HFM1: variants seen among roughly 807,000 people sequenced by gnomAD.
The protein encoded by HFM1 is helicase for meiosis 1.
HFM1 carries 169 observed loss-of-function variants against 192.1 expected under a neutral mutation model. The observed-to-expected ratio is 0.88, with a 90% CI of 0.78 to 1.00. The LOEUF (loss-of-function observed/expected upper bound fraction) is 1.00, where lower values mean the gene tolerates loss of function less well. Ranked by LOEUF, HFM1 falls within the 50% of genes least tolerant of loss-of-function variation. HFM1 has a pLI of 0.00. For missense variants in HFM1, 1,661 were observed against 1,668.0 expected (o/e 1.00, Z 0.07); for synonymous variants, 525 against 537.8 (o/e 0.98, Z 0.33).
chr1:91,379,930 T>G (rs989472417), intron 8 of HFM1, among the ~76,000 whole-genome samples, 174 bp downstream of exon 8: 1 of 152,282 alleles, frequency 6.6e-6, no homozygotes, highest in South Asian at 2.1e-4. Context: ...TTACTTTTTA[T>G]TTATAATTTT....
At chr1:91,319,635 C>T (rs1450299838) in intron 23 of HFM1, among the ~76,000 whole-genome samples, 3 of 152,038 alleles carry the variant, frequency 2.0e-5, no homozygotes, top group Non-Finnish European at 4.4e-5. Flanking sequence ...CACTCAATCT[C>T]TCTCTAAAAG....
chr1:91,265,846 C>A (rs1665712559), intron 36 of HFM1, among the ~76,000 whole-genome samples, 171 bp downstream of exon 36: 1 of 152,186 alleles, frequency 6.6e-6, no homozygotes, highest in African/African-American at 2.4e-5. Context: ...GATTTTGATG[C>A]AGGTGGTTTC....
intron 11 of HFM1, chr1:91,377,353 T>G (rs1411467138): frequency 6.6e-6 from 1 of 151,968 alleles, no homozygotes; most frequent in Non-Finnish European, 1.5e-5. Flanking sequence ...TGGCTATTTG[T>G]GAAAACAATT....
intron 30 of HFM1, among the ~76,000 whole-genome samples, chr1:91,304,084 A>C (rs1034548712): frequency 3.9e-5 from 6 of 152,008 alleles, no homozygotes; most frequent in Admixed American, 3.9e-4. Flanking sequence ...TGAACTCCTG[A>C]CCTCAAGTGA....
At chr1:91,317,777 T>C (rs1294084202) in intron 25 of HFM1, among the ~76,000 whole-genome samples, 2 of 152,214 alleles carry the variant, frequency 1.3e-5, no homozygotes, top group Non-Finnish European at 1.5e-5. Context: ...CTTTTTCATT[T>C]ATAGCCAACA....
At position 91,319,224 on chromosome 1, in the gene HFM1, T is replaced by C. The variant is rs769575584; in HGVS notation, c.2681-15A>G. The stretch of plus-strand genomic sequence containing the variant: ...ATCTGACAACCCTAAAAAAAAAGTT[T>C]CCAGTATTAAATCTAATATACCAGT... On this transcript the variant is annotated splice_polypyrimidine_tract_variant and intron_variant, in intron 24 of 38. Transcript: ENST00000370425. 1 of 1,604,364 alleles carries C rather than the reference T, an allele frequency of 6.2e-7. No homozygotes were observed. The highest frequency in any genetic ancestry group is 1.7e-5 in the Admixed American group (1 of 57,930).
intron 13 of HFM1, among the ~76,000 whole-genome samples, chr1:91,361,579 A>G (rs1395926905): frequency 1.3e-5 from 2 of 152,166 alleles, no homozygotes; most frequent in African/African-American, 4.8e-5. Context: ...CCAACCAAAA[A>G]AAGCCCAGGA....
chr1:91,296,859 C>T (rs1045446409), intron 30 of HFM1, among the ~76,000 whole-genome samples: 13 of 152,166 alleles, frequency 8.5e-5, no homozygotes, highest in African/African-American at 2.9e-4. Context: ...CAGCTCCCAG[C>T]GTGAGCGATG....
chr1:91,261,004 T>C lies in HFM1; in HGVS notation c.*286A>G, dbSNP rs1353498875. On this transcript the variant is annotated 3_prime_UTR_variant, in exon 39 of 39. Transcript: ENST00000370425. The stretch of plus-strand genomic sequence containing the variant: ...TTGGTTCTTGTCAAAATCCAATTAA[T>C]AGCCAAATAATTATTTCTAAGTGCA... 1 of 209,118 alleles carries C rather than the reference T, an allele frequency of 4.8e-6. No individual in the cohort carries two copies. The highest frequency in any genetic ancestry group is 1.0e-4 in the East Asian group (1 of 9,732). 13.0% of individuals were successfully genotyped at this position (209,118 alleles called of 1,614,324 possible).
At chr1:91,288,785 A>G (rs1002555642) in intron 30 of HFM1, among the ~76,000 whole-genome samples, 2 of 152,188 alleles carry the variant, frequency 1.3e-5, no homozygotes, top group African/African-American at 4.8e-5. Flanking sequence ...CTTTCTACAC[A>G]GACACAGTAA....
intron 13 of HFM1, among the ~76,000 whole-genome samples, chr1:91,374,272 A>G (rs1348820123): frequency 6.6e-6 from 1 of 151,840 alleles, no homozygotes; most frequent in East Asian, 1.9e-4. Context: ...TACATGGGCT[A>G]CTGCAGGCTA....
At chr1:91,332,921 A>G (rs1023034695) in intron 20 of HFM1, among the ~76,000 whole-genome samples, 10 of 152,214 alleles carry the variant, frequency 6.6e-5, no homozygotes, top group African/African-American at 2.4e-4. Flanking sequence ...CCGCAGTTAC[A>G]ATGGCTTTTA....
At chr1:91,296,499 C>T (rs1012257502) in intron 30 of HFM1, among the ~76,000 whole-genome samples, 1 of 151,702 alleles carries the variant, frequency 6.6e-6, no homozygotes. Flanking sequence ...CTACCCTGTC[C>T]TTTTGAATTT....
At chr1:91,377,866 T>A in intron 11 of HFM1, 159 bp downstream of exon 11, 1 of 685,086 alleles carries the variant, frequency 1.5e-6, no homozygotes, top group East Asian at 2.7e-5. Flanking sequence ...TTTTATGGCC[T>A]TAATACTGTT....
chr1:91,293,335 A>T (rs890444315), intron 30 of HFM1, among the ~76,000 whole-genome samples: 131 of 152,326 alleles, frequency 8.6e-4, no homozygotes, highest in African/African-American at 2.6e-3. Context: ...GAATCTACAA[A>T]GAACTCAAAC....
chr1:91,361,993 CT>C (rs1245223817), intron 13 of HFM1, among the ~76,000 whole-genome samples: 2 of 152,114 alleles, frequency 1.3e-5, no homozygotes, highest in Non-Finnish European at 2.9e-5. Flanking sequence ...CAATTCAACA[CT>C]CCTTCATGTT....
In HFM1 at chr1:91,288,330, C is replaced by T. The variant is rs186712537; in HGVS notation, c.3392-11268G>A. ...AGCAGATCTCCCGGCAGAAACTCTACAAGCCAGAAGAGAGTGGGGGCCAAT... is the reference window on the plus strand; with the variant it reads ...AGCAGATCTCCCGGCAGAAACTCTATAAGCCAGAAGAGAGTGGGGGCCAAT... On this transcript the variant is annotated intron_variant, in intron 30 of 38. Coordinates refer to ENST00000370425, the MANE Select transcript of HFM1 (RefSeq NM_001017975.6). 3.6e-3 allele frequency among the ~76,000 whole-genome samples: 548 copies of T among 150,760 alleles called. 1 individual carries two copies. Among genetic ancestry groups the T allele is most frequent in the African/African-American group, 0.013 (521 of 41,060 alleles).
chr1:91,262,152 T>C, intron 38 of HFM1, 89 bp downstream of exon 38: 1 of 625,682 alleles, frequency 1.6e-6, no homozygotes, highest in South Asian at 3.5e-5. Flanking sequence ...GCTGTGATCT[T>C]TAAAATGAAA....
At position 91,315,908 on chromosome 1, in the gene HFM1, T is replaced by TG. The variant is rs758890739; in HGVS notation, c.3046dup (p.Gln1016ProfsTer5). 17 of 1,605,354 alleles carry TG rather than the reference T, an allele frequency of 1.1e-5. No homozygotes were observed. The highest frequency in any genetic ancestry group is 1.5e-5 in the Non-Finnish European group (17 of 1,172,406). On this transcript the variant is annotated frameshift_variant, in exon 28 of 39. Coordinates refer to ENST00000370425, the MANE Select transcript of HFM1 (RefSeq NM_001017975.6). LOFTEE classifies it high-confidence loss of function. ...CGATGCTGTTCTTTTAGTTTGTAGC[T>TG]GTTCAAAATTTCTTAATATAACAGT...
Sources: gnomAD v4.1 joint callset for allele counts (sites outside exome capture counted in the v4.1 genomes callset) on GRCh38, gnomAD v4.1.1 for gene constraint, MANE v1.5 for transcripts, NCBI Gene and HGNC (gene_info 2026-07-23, HGNC 2026-07-21) for gene names.